Variants in TMEM156 observed in about 807,000 individuals in gnomAD.
TMEM156 encodes transmembrane protein 156.
TMEM156 carries 28 observed loss-of-function variants against 30.5 expected under a neutral mutation model. The observed-to-expected ratio is 0.92, with a 90% CI of 0.68 to 1.26. TMEM156 has a LOEUF of 1.26. Among genes scored for constraint, TMEM156 ranks in the 50% most tolerant of loss-of-function variants. The pLI, the probability that TMEM156 is intolerant of heterozygous loss-of-function variation, is 0.00. For missense variants in TMEM156, 351 were observed against 340.6 expected (o/e 1.03, Z -0.24); for synonymous variants, 137 against 119.9 (o/e 1.14, Z -0.93).
chr4:38,977,490 A>G (rs918151960), intron 5 of TMEM156, among the ~76,000 whole-genome samples: 1 of 152,210 alleles, frequency 6.6e-6, no homozygotes, highest in Non-Finnish European at 1.5e-5. Context: ...ATCTTCTAAA[A>G]ATTGATTAAA....
intron 6 of TMEM156, among the ~76,000 whole-genome samples, chr4:38,970,612 A>G (rs1195402323): frequency 6.6e-6 from 1 of 152,248 alleles, no homozygotes; most frequent in Admixed American, 6.5e-5. Context: ...ACTTAAATTC[A>G]TGGAAATCAA....
At chr4:38,989,473 C>G (rs1712256486) in intron 3 of TMEM156, among the ~76,000 whole-genome samples, 1 of 152,216 alleles carries the variant, frequency 6.6e-6, no homozygotes, top group African/African-American at 2.4e-5. Flanking sequence ...TAATCAGACC[C>G]TCTTTCCACA....
At chr4:38,971,177 A>T in intron 5 of TMEM156, 40 bp from the exon 6 acceptor site, 1 of 1,576,294 alleles carries the variant, frequency 6.3e-7, no homozygotes, top group Non-Finnish European at 8.7e-7. Flanking sequence ...ATATGTAGTA[A>T]ATAGCAAAAA....
intron 1 of TMEM156, among the ~76,000 whole-genome samples, chr4:39,019,566 T>C (rs998194396): frequency 6.6e-6 from 1 of 152,214 alleles, no homozygotes; most frequent in Non-Finnish European, 1.5e-5. Flanking sequence ...CTATTAACTT[T>C]GTGTGTACGA....
chr4:38,999,127 T>A lies in TMEM156; in HGVS notation c.89-218A>T, dbSNP rs1464678504. Among the ~76,000 whole-genome samples, 1,418 of 147,602 alleles carry A rather than the reference T, an allele frequency of 9.6e-3. 8 individuals carry two copies. The highest frequency in any genetic ancestry group is 0.023 in the African/African-American group (922 of 40,268). ...ATTTATTTATTTTTTTTTTTTTTTT[T>A]TTTTTTTGAGACTGGATCTTGCTCT... On this transcript the variant is annotated intron_variant, in intron 1 of 6. Coordinates refer to ENST00000381938, the MANE Select transcript of TMEM156 (RefSeq NM_024943.3).
intron 1 of TMEM156, among the ~76,000 whole-genome samples, chr4:39,017,171 CTTTTT>C (rs1159565890): frequency 4.4e-5 from 4 of 91,288 alleles, no homozygotes; most frequent in African/African-American, 1.8e-4. Context: ...TGTATTTCTT[CTTTTT>C]TTTTTTTTTT....
At chr4:39,019,020 T>TAA (rs200726884) in intron 1 of TMEM156, among the ~76,000 whole-genome samples, 2 of 74,110 alleles carry the variant, frequency 2.7e-5, no homozygotes, top group African/African-American at 1.5e-4. Flanking sequence ...GACTCCATCT[T>TAA]AAAAAAACAA....
At chr4:39,029,058 A>G (rs17430272) in intron 1 of TMEM156, among the ~76,000 whole-genome samples, 6,359 of 152,262 alleles carry the variant, frequency 0.042, 208 homozygotes, top group Non-Finnish European at 0.058. Flanking sequence ...TACATTCTTG[A>G]TGAAAAATTA....
intron 1 of TMEM156, among the ~76,000 whole-genome samples, chr4:39,006,064 T>A (rs1010482152): frequency 6.6e-6 from 1 of 152,082 alleles, no homozygotes; most frequent in Non-Finnish European, 1.5e-5. Flanking sequence ...CCTGGCTAAT[T>A]TTTGTATTTT....
chr4:39,021,378 T>C (rs1714855294), intron 1 of TMEM156, among the ~76,000 whole-genome samples: 2 of 141,654 alleles, frequency 1.4e-5, no homozygotes, highest in African/African-American at 5.4e-5. Flanking sequence ...CTGGGCAACA[T>C]AGTGAGACCT....
chr4:39,012,083 G>C (rs548845811), intron 1 of TMEM156, among the ~76,000 whole-genome samples: 1 of 152,232 alleles, frequency 6.6e-6, no homozygotes, highest in Admixed American at 6.5e-5. Flanking sequence ...CACCACTTGG[G>C]CAATGGGATC....
chr4:38,994,117 T>A (rs1712753067), intron 2 of TMEM156, 119 bp from the exon 3 acceptor site: 1 of 901,682 alleles, frequency 1.1e-6, no homozygotes, highest in African/African-American at 1.7e-5. Flanking sequence ...AGAAGTTTCC[T>A]ACACTAAAAA....
At chr4:39,027,888 C>G (rs2110072602) in intron 1 of TMEM156, among the ~76,000 whole-genome samples, 2 of 151,848 alleles carry the variant, frequency 1.3e-5, no homozygotes, top group South Asian at 4.1e-4. Flanking sequence ...TCCAGAGTAG[C>G]TAGGATGACA....
At position 38,972,363 on chromosome 4, in the gene TMEM156, G is replaced by A. The variant is rs577087189; in HGVS notation, c.824-1226C>T. ...CCGCCTCCTGGGTTCAAGCAATTCT[G>A]TCTCAGCCTCCTGAGTAGCTGGGAT... is the stretch of plus-strand genomic sequence containing the variant. On this transcript the variant is annotated intron_variant, in intron 5 of 6. Transcript: ENST00000381938. 1.8e-3 allele frequency among the ~76,000 whole-genome samples: 253 copies of A among 140,946 alleles called. 2 individuals carry two copies. The highest frequency in any genetic ancestry group is 2.9e-3 in the Non-Finnish European group (190 of 66,586). 92.5% of individuals were successfully genotyped at this position (140,946 alleles called of 152,430 possible).
At chr4:38,996,317 C>A (rs977233254) in intron 2 of TMEM156, among the ~76,000 whole-genome samples, 5 of 150,248 alleles carry the variant, frequency 3.3e-5, no homozygotes, top group Non-Finnish European at 7.4e-5. Context: ...CCAATACTTC[C>A]GGAGGCCGAG....
chr4:39,003,458 C>A (rs1045124090), intron 1 of TMEM156, among the ~76,000 whole-genome samples: 4 of 152,106 alleles, frequency 2.6e-5, no homozygotes, highest in African/African-American at 9.7e-5. Context: ...CCTCACCCTC[C>A]TGAATAGCTA....
chr4:39,004,065 A>C (rs986556814), intron 1 of TMEM156, among the ~76,000 whole-genome samples: 15 of 152,220 alleles, frequency 9.9e-5, no homozygotes, highest in African/African-American at 3.6e-4. Context: ...TTAAGAAATA[A>C]ATAAATTCTA....
chr4:38,999,939 T>G (rs1713219368), intron 1 of TMEM156, among the ~76,000 whole-genome samples: 1 of 152,220 alleles, frequency 6.6e-6, no homozygotes, highest in Admixed American at 6.5e-5. Flanking sequence ...GTTTCCAGAA[T>G]TAGCACCAGA....
chr4:39,029,286 A>G (rs1481309244), intron 1 of TMEM156, among the ~76,000 whole-genome samples: 1 of 151,762 alleles, frequency 6.6e-6, no homozygotes, highest in Non-Finnish European at 1.5e-5. Context: ...AGAAAAAATG[A>G]AAAAAAAGGA....
Sources: allele counts gnomAD v4.1 joint callset (sites outside exome capture counted in the v4.1 genomes callset), GRCh38; gene constraint gnomAD v4.1.1; transcripts MANE v1.5; gene names NCBI Gene and HGNC (gene_info 2026-07-23, HGNC 2026-07-21).